Variants in CYRIA observed in about 807,000 individuals in gnomAD.
The protein encoded by CYRIA is CYFIP-related Rac1 interactor A.
A neutral mutation model predicts 43.9 loss-of-function variants in CYRIA; 15 were observed. The observed-to-expected ratio is 0.34, with a 90% CI of 0.23 to 0.53. CYRIA has a LOEUF of 0.53. CYRIA is among the 20% of genes least tolerant of loss of function. The pLI, the probability that CYRIA is intolerant of heterozygous loss-of-function variation, is 0.94. For synonymous variants in CYRIA, 117 were observed against 136.0 expected (o/e 0.86, Z 0.97); for missense variants, 236 against 394.2 (o/e 0.60, Z 3.40).
rs1668573775 is a variant in CYRIA, at chr2:16,610,919, TATATATATATATATATATC to T, written c.-11+12926_-11+12944del. Among the ~76,000 whole-genome samples the T allele has an allele frequency of 1.3e-4, 8 of 63,488 alleles. 1 individual carries two copies. Among genetic ancestry groups the T allele is most frequent in the Admixed American group, 8.4e-4 (5 of 5,974 alleles). 41.7% of individuals were successfully genotyped at this position (63,488 alleles called of 152,430 possible). On this transcript the variant is annotated intron_variant, in intron 2 of 11. Coordinates refer to ENST00000381323, the MANE Select transcript of CYRIA (RefSeq NM_030797.4). Reference sequence around the variant, plus strand: ...CAACATATATATATATATATATATATATATATATATATATATATCCTGTATATCTTGCATATATTTCTAT... The same window carrying T: ...CAACATATATATATATATATATATATCTGTATATCTTGCATATATTTCTAT...
chr2:16,592,807 AG>A (rs1371757676), intron 2 of CYRIA, among the ~76,000 whole-genome samples: 4 of 152,202 alleles, frequency 2.6e-5, no homozygotes, highest in Admixed American at 2.0e-4. Flanking sequence ...TCAAAAAAAA[AG>A]AAAAAAACAA....
intron 2 of CYRIA, among the ~76,000 whole-genome samples, chr2:16,608,013 G>T (rs975728224): frequency 6.6e-6 from 1 of 152,168 alleles, no homozygotes; most frequent in Non-Finnish European, 1.5e-5. Flanking sequence ...CACCTTTGCT[G>T]TTGTGGATTC....
intron 3 of CYRIA, among the ~76,000 whole-genome samples, chr2:16,583,769 T>C (rs930800019): frequency 6.6e-6 from 1 of 152,056 alleles, no homozygotes; most frequent in Non-Finnish European, 1.5e-5. Context: ...GGGAAGGAAG[T>C]AGAGAGGGAA....
At chr2:16,644,063 G>A (rs994083553) in intron 1 of CYRIA, among the ~76,000 whole-genome samples, 22 of 152,198 alleles carry the variant, frequency 1.4e-4, no homozygotes, top group Non-Finnish European at 3.2e-4. Context: ...CCAAGCCAGA[G>A]GTTCAGCTTC....
At position 16,552,527 on chromosome 2, in the gene CYRIA, TTG is replaced by T. The variant is rs1418065114; in HGVS notation, c.*407_*408del. On this transcript the variant is annotated 3_prime_UTR_variant, in exon 12 of 12. Coordinates refer to ENST00000381323, the MANE Select transcript of CYRIA (RefSeq NM_030797.4). Reference sequence around the variant, plus strand: ...CTCTCTTCCTCTGTCAAGATAACAGTTGTGTTTCTTGTAGCTGAGCCGACACA... The same window carrying T: ...CTCTCTTCCTCTGTCAAGATAACAGTTGTTTCTTGTAGCTGAGCCGACACA... 6.4e-6 allele frequency: 1 copy of T among 156,722 alleles called. No homozygotes were observed. The highest frequency in any genetic ancestry group is 1.4e-5 in the Non-Finnish European group (1 of 71,218). The allele number at this position is 156,722 out of a possible 1,614,324, so 9.7% of individuals were successfully genotyped here.
At chr2:16,583,775 G>C (rs1667631459) in intron 3 of CYRIA, among the ~76,000 whole-genome samples, 1 of 152,154 alleles carries the variant, frequency 6.6e-6, no homozygotes, top group African/African-American at 2.4e-5. Context: ...GAAGTAGAGA[G>C]GGAAGAAAAA....
At chr2:16,629,884 G>T (rs1295448753) in intron 1 of CYRIA, among the ~76,000 whole-genome samples, 1 of 152,168 alleles carries the variant, frequency 6.6e-6, no homozygotes, top group Non-Finnish European at 1.5e-5. Context: ...GGATGCTTAA[G>T]ACCTAGAAAA....
chr2:16,566,021 T>G (rs1666919609), intron 3 of CYRIA, among the ~76,000 whole-genome samples: 1 of 152,176 alleles, frequency 6.6e-6, no homozygotes, highest in Non-Finnish European at 1.5e-5. Flanking sequence ...CATAGGCACT[T>G]ATTTATGTGG....
At chr2:16,584,084 C>T (rs1248901820) in intron 3 of CYRIA, among the ~76,000 whole-genome samples, 1 of 152,124 alleles carries the variant, frequency 6.6e-6, no homozygotes, top group Non-Finnish European at 1.5e-5. Flanking sequence ...TTCCTCCTTC[C>T]CACCATCTCT....
intron 1 of CYRIA, among the ~76,000 whole-genome samples, chr2:16,641,323 C>G (rs1045535111): frequency 6.6e-6 from 1 of 152,184 alleles, no homozygotes; most frequent in Admixed American, 6.5e-5. Context: ...CCTCCGTATG[C>G]CACGCCTTCA....
chr2:16,602,362 C>G (rs1345155400), intron 2 of CYRIA, among the ~76,000 whole-genome samples: 1 of 152,006 alleles, frequency 6.6e-6, no homozygotes, highest in Non-Finnish European at 1.5e-5. Flanking sequence ...CTGACTCATC[C>G]AATTTTTTTT....
At chr2:16,563,419 T>C (rs1223584189) in intron 5 of CYRIA, among the ~76,000 whole-genome samples, 3 of 152,162 alleles carry the variant, frequency 2.0e-5, no homozygotes, top group Non-Finnish European at 4.4e-5. Context: ...CCTTCTTCAT[T>C]CAAGATATAC....
intron 1 of CYRIA, among the ~76,000 whole-genome samples, chr2:16,664,566 T>C (rs798368): frequency 0.38 from 57,335 of 151,904 alleles, 14,082 homozygotes; most frequent in African/African-American, 0.7. Flanking sequence ...AAGCCGACAA[T>C]GATCCACCCA....
intron 3 of CYRIA, among the ~76,000 whole-genome samples, chr2:16,573,782 T>C (rs13399422): frequency 4.7e-4 from 71 of 152,362 alleles, no homozygotes; most frequent in African/African-American, 1.6e-3. Flanking sequence ...TCTGCCATAA[T>C]TGTGAGGCCT....
At chr2:16,592,110 C>T (rs753155267) in intron 2 of CYRIA, among the ~76,000 whole-genome samples, 1 of 151,990 alleles carries the variant, frequency 6.6e-6, no homozygotes, top group African/African-American at 2.4e-5. Flanking sequence ...CTGAAACGCT[C>T]CAAAATCTAA....
At chr2:16,592,058 A>C (rs1667951059) in intron 2 of CYRIA, among the ~76,000 whole-genome samples, 1 of 152,144 alleles carries the variant, frequency 6.6e-6, no homozygotes, top group Non-Finnish European at 1.5e-5. Flanking sequence ...GAACAAGGAC[A>C]GAGAGTACAG....
chr2:16,635,549 C>G (rs1428127366), intron 1 of CYRIA, among the ~76,000 whole-genome samples: 31 of 152,174 alleles, frequency 2.0e-4, no homozygotes, highest in Non-Finnish European at 1.3e-4. Flanking sequence ...CTCTCTTTAG[C>G]AAGCCTATAC....
intron 1 of CYRIA, among the ~76,000 whole-genome samples, chr2:16,634,747 T>G (rs1669441305): frequency 6.6e-6 from 1 of 152,200 alleles, no homozygotes; most frequent in African/African-American, 2.4e-5. Flanking sequence ...GGGGGCATTC[T>G]GAGCTGGCTG....
intron 5 of CYRIA, among the ~76,000 whole-genome samples, chr2:16,563,545 C>G (rs1442878747): frequency 6.6e-6 from 1 of 152,166 alleles, no homozygotes; most frequent in East Asian, 1.9e-4. Flanking sequence ...CCATCCTGTA[C>G]TTGCACAGTT....
Sources: allele counts gnomAD v4.1 joint callset (sites outside exome capture counted in the v4.1 genomes callset), GRCh38; gene constraint gnomAD v4.1.1; transcripts MANE v1.5; gene names NCBI Gene and HGNC (gene_info 2026-07-23, HGNC 2026-07-21).